Variants in NIPSNAP2 observed in about 807,000 individuals in gnomAD.
NIPSNAP2 encodes the protein protein NipSnap homolog 2.
NIPSNAP2 carries 42 observed loss-of-function variants against 48.4 expected under a neutral mutation model. The ratio of observed to expected loss-of-function variants is 0.87; its 90% CI spans 0.68 to 1.12. The LOEUF (loss-of-function observed/expected upper bound fraction) is 1.12. Among genes scored for constraint, NIPSNAP2 ranks in the 50% most tolerant of loss-of-function variants. NIPSNAP2 has a pLI of 0.00. For synonymous variants in NIPSNAP2, 158 were observed against 126.6 expected (o/e 1.25, Z -1.67); for missense variants, 314 against 347.3 (o/e 0.90, Z 0.76).
intron 9 of NIPSNAP2, among the ~76,000 whole-genome samples, chr7:55,997,687 T>A (rs56207001): frequency 0.18 from 27,235 of 152,108 alleles, 2,840 homozygotes; most frequent in Non-Finnish European, 0.23. Flanking sequence ...TTCAGACCCT[T>A]GGATGTTGTA....
rs1352604836 is a variant in NIPSNAP2 at position 55,982,193 on chromosome 7, T to C, written c.374-17T>C. ...ATGAAATTCTAAACGTATACTGTCT[T>C]TTAAAATGCATTTCAGTCCACCTCT... On this transcript the variant is annotated splice_polypyrimidine_tract_variant and intron_variant, in intron 4 of 9. Transcript: ENST00000322090. 1.3e-6 allele frequency: 2 copies of C among 1,562,244 alleles called. No homozygotes were observed. Among genetic ancestry groups the C allele is most frequent in the Non-Finnish European group, 8.8e-7 (1 of 1,133,994 alleles).
At chr7:55,969,425 T>G (rs1470077799) in intron 1 of NIPSNAP2, among the ~76,000 whole-genome samples, 2 of 152,232 alleles carry the variant, frequency 1.3e-5, no homozygotes, top group Non-Finnish European at 2.9e-5. Context: ...CTCCCTTCCA[T>G]GGGTATCTAC....
chr7:55,968,665 G>A (rs1218364161), intron 1 of NIPSNAP2, among the ~76,000 whole-genome samples: 1 of 152,144 alleles, frequency 6.6e-6, no homozygotes, highest in Non-Finnish European at 1.5e-5. Context: ...AAAGTGGTGG[G>A]ATTATAGGCG....
At chr7:55,992,919 T>C (rs919492104) in intron 7 of NIPSNAP2, among the ~76,000 whole-genome samples, 1 of 152,014 alleles carries the variant, frequency 6.6e-6, no homozygotes, top group African/African-American at 2.4e-5. Context: ...AGACTGCTTT[T>C]GAAAAAATGG....
chr7:55,993,745 AT>A (rs1046807579), intron 7 of NIPSNAP2, among the ~76,000 whole-genome samples: 1 of 152,130 alleles, frequency 6.6e-6, no homozygotes, highest in Non-Finnish European at 1.5e-5. Flanking sequence ...TTCAAAAAAA[AT>A]TAAAGAGCTG....
intron 7 of NIPSNAP2, among the ~76,000 whole-genome samples, chr7:55,994,077 A>G (rs1787506143): frequency 6.6e-6 from 1 of 152,152 alleles, no homozygotes; most frequent in African/African-American, 2.4e-5. Flanking sequence ...TCAGGATTTC[A>G]GAGTCATCAG....
rs567661402 is a variant in NIPSNAP2, at chr7:55,995,813, G to A, written c.712+825G>A. ...GCGGAGCTCTCATAGAGGCTGTGGG[G>A]AATGCAGGACAGACCTCTTGTCTCT... On this transcript the variant is annotated intron_variant, in intron 8 of 9. Coordinates refer to ENST00000322090, the MANE Select transcript of NIPSNAP2 (RefSeq NM_001483.3). 1.4e-4 allele frequency among the ~76,000 whole-genome samples: 22 copies of A among 152,308 alleles called. No individual in the cohort carries two copies. The South Asian group carries it at 3.9e-3, about 27-fold the overall frequency.
At chr7:55,997,494 T>C (rs1287600853) in intron 9 of NIPSNAP2, 45 bp downstream of exon 9, 9 of 1,425,476 alleles carry the variant, frequency 6.3e-6, no homozygotes, top group Non-Finnish European at 8.9e-6. Flanking sequence ...TCTTACTGTT[T>C]CAATCATGTT....
At chr7:55,975,016 T>C (rs991931572) in intron 1 of NIPSNAP2, among the ~76,000 whole-genome samples, 1 of 152,002 alleles carries the variant, frequency 6.6e-6, no homozygotes, top group African/African-American at 2.4e-5. Flanking sequence ...AGTACATTAC[T>C]GATCTAGGAA....
chr7:55,966,073 G>A (rs1401662936), intron 1 of NIPSNAP2, among the ~76,000 whole-genome samples: 1 of 152,108 alleles, frequency 6.6e-6, no homozygotes. Flanking sequence ...AAGGCCATCC[G>A]GAGCTTACCA....
intron 1 of NIPSNAP2, among the ~76,000 whole-genome samples, chr7:55,966,575 G>A (rs887575331): frequency 2.0e-5 from 3 of 152,132 alleles, no homozygotes; most frequent in Non-Finnish European, 4.4e-5. Flanking sequence ...TTGAGCTCAG[G>A]AGTTCGAGAC....
intron 3 of NIPSNAP2, chr7:55,979,766 C>T (rs922185333): frequency 6.6e-6 from 3 of 456,234 alleles, no homozygotes; most frequent in African/African-American, 6.0e-5. Context: ...TCAGCAGCTC[C>T]CTGTTTGCAG....
intron 5 of NIPSNAP2, among the ~76,000 whole-genome samples, chr7:55,983,463 A>G (rs1787262625): frequency 6.6e-6 from 1 of 152,232 alleles, no homozygotes; most frequent in Non-Finnish European, 1.5e-5. Flanking sequence ...ATCTAAAAAT[A>G]TAGCAAATTA....
intron 8 of NIPSNAP2, among the ~76,000 whole-genome samples, chr7:55,995,394 G>A (rs561377186): frequency 6.6e-6 from 1 of 152,060 alleles, no homozygotes; most frequent in East Asian, 1.9e-4. Context: ...CTTTGTAGAC[G>A]TGGTTCCACT....
chr7:55,999,177 C>A lies in NIPSNAP2; in HGVS notation c.*105C>A. The A allele has an allele frequency of 2.2e-6, 2 of 927,590 alleles. No individual in the cohort carries two copies. Among genetic ancestry groups the A allele is most frequent in the Non-Finnish European group, 3.5e-6 (2 of 574,508 alleles). The allele number at this position is 927,590 out of a possible 1,614,324, so 57.5% of individuals were successfully genotyped here. A position where few individuals can be genotyped will look rare whatever the true frequency, so the allele number is the denominator to read the frequency against. On this transcript the variant is annotated 3_prime_UTR_variant, in exon 10 of 10. Transcript: ENST00000322090. ...GAAAAAGAAACACTGAGGTTTTAAG[C>A]TGCTGTATATAGCTTGTGAGAAACC... is the stretch of plus-strand genomic sequence containing the variant.
rs369431721 is a variant in NIPSNAP2, at chr7:55,998,996, T to C, written c.797-12T>C. ...AAAGTAACAAGTGCAGTAACCCTGA[T>C]CTTGTTTTCAGTTCCACTTATTCAG... On this transcript the variant is annotated splice_polypyrimidine_tract_variant and intron_variant, in intron 9 of 9. Transcript: ENST00000322090. The C allele has an allele frequency of 1.9e-6, 3 of 1,610,242 alleles. No individual in the cohort carries two copies. The African/African-American group carries it at 4.0e-5, about 22-fold the overall frequency.
chr7:55,978,000 C>A, intron 1 of NIPSNAP2, 126 bp from the exon 2 acceptor site: 2 of 1,013,570 alleles, frequency 2.0e-6, no homozygotes, highest in Non-Finnish European at 2.9e-6. Context: ...TCATGGAAAG[C>A]AGGCATTCTT....
rs1787646518 is a variant in NIPSNAP2 at position 56,000,087 on chromosome 7, T to G, written c.*1015T>G. ...CAATCAAGAATGTATGTGTAAAGTGTGAATAAATCTCATATCAAATGTCAA... is the reference window on the plus strand; with the variant it reads ...CAATCAAGAATGTATGTGTAAAGTGGGAATAAATCTCATATCAAATGTCAA... On this transcript the variant is annotated 3_prime_UTR_variant, in exon 10 of 10. Transcript: ENST00000322090. 1 of 152,642 alleles carries G rather than the reference T, an allele frequency of 6.6e-6. No individual in the cohort carries two copies. Among genetic ancestry groups the G allele is most frequent in the Non-Finnish European group, 1.5e-5 (1 of 68,036 alleles). 9.5% of individuals were successfully genotyped at this position (152,642 alleles called of 1,614,324 possible).
chr7:55,982,779 C>T (rs986160854), intron 5 of NIPSNAP2, among the ~76,000 whole-genome samples: 2 of 150,834 alleles, frequency 1.3e-5, no homozygotes, highest in Non-Finnish European at 3.0e-5. Context: ...TCTTATTGTT[C>T]TTATTATAAA....
Sources: gnomAD v4.1 joint callset for allele counts (sites outside exome capture counted in the v4.1 genomes callset) on GRCh38, gnomAD v4.1.1 for gene constraint, MANE v1.5 for transcripts, NCBI Gene and HGNC (gene_info 2026-07-23, HGNC 2026-07-21) for gene names.